SYNE2: variants seen among roughly 807,000 people sequenced by gnomAD.
SYNE2 encodes the protein spectrin repeat containing nuclear envelope protein 2.
A neutral mutation model predicts 856.3 loss-of-function variants in SYNE2; 431 were observed. That is an observed-to-expected ratio of 0.50 (90% confidence interval 0.47 to 0.55). The LOEUF (loss-of-function observed/expected upper bound fraction) is 0.55, where lower values mean the gene tolerates loss of function less well. Ranked by LOEUF, SYNE2 falls within the 20% of genes least tolerant of loss-of-function variation. The probability of loss-of-function intolerance (pLI) is 0.00; values close to 1 mark genes in which losing one functional copy is unlikely to be tolerated. For synonymous variants in SYNE2, 2,923 were observed against 2,872.3 expected, an observed-to-expected ratio of 1.02 and a Z score of -0.56; for missense variants, 8,129 against 8,023.2, an observed-to-expected ratio of 1.01 and a Z score of -0.50.
intron 80 of SYNE2, 133 bp from the exon 81 acceptor site, chr14:64,141,208 G>GT: frequency 2.9e-6 from 2 of 698,392 alleles, no homozygotes; most frequent in Non-Finnish European, 4.7e-6. Context: ...TAGGAAAAAG[G>GT]GGTGTGTGTG....
At chr14:64,010,974 G>T (rs1386824690) in intron 32 of SYNE2, among the ~76,000 whole-genome samples, 1 of 152,148 alleles carries the variant, frequency 6.6e-6, no homozygotes, top group Non-Finnish European at 1.5e-5. Context: ...AAGCTAAAGT[G>T]CTGTCAGGGT....
At chr14:64,099,233 A>G (rs1182483718) in intron 63 of SYNE2, 1 of 232,334 alleles carries the variant, frequency 4.3e-6, no homozygotes, top group African/African-American at 2.3e-5. Flanking sequence ...AGCAAGTAAT[A>G]CTAAGAATTT....
At chr14:64,209,832 T>C in intron 102 of SYNE2, 110 bp from the exon 103 acceptor site, 1 of 1,456,748 alleles carries the variant, frequency 6.9e-7, no homozygotes, top group Non-Finnish European at 9.6e-7. Context: ...TCTGCTGCCA[T>C]TGCAGTTTGG....
chr14:63,807,865 A>ATATATATT (rs1267385896), intron 1 of SYNE2, among the ~76,000 whole-genome samples: 2 of 97,404 alleles, frequency 2.1e-5, no homozygotes, highest in African/African-American at 7.4e-5. Context: ...ATATATATAT[A>ATATATATT]ATTTCAATAG....
chr14:64,016,918 G>C (rs1050025910), intron 33 of SYNE2, among the ~76,000 whole-genome samples: 2 of 151,868 alleles, frequency 1.3e-5, no homozygotes, highest in African/African-American at 2.4e-5. Context: ...TATAATTTTG[G>C]TTGAGTAGTA....
intron 74 of SYNE2, among the ~76,000 whole-genome samples, chr14:64,129,279 C>T (rs922426369): frequency 1.3e-5 from 2 of 152,188 alleles, no homozygotes; most frequent in East Asian, 1.9e-4. Context: ...TGCACTCCAG[C>T]TTGGGTGACA....
Position 64,137,802 on chromosome 14 carries a change from A to T in SYNE2, c.14662A>T (p.Ile4888Phe). ...TTTTTATTAGCAAATAAAAAGAAACATTGGTGGAAAACACGCCCGGCTTTA... is the reference window on the plus strand; with the variant it reads ...TTTTTATTAGCAAATAAAAAGAAACTTTGGTGGAAAACACGCCCGGCTTTA... ...ISFYQQIKRNIGGKHARLYQT... is the reference protein window; with the variant it reads ...ISFYQQIKRNFGGKHARLYQT... Residue 4888 changes from isoleucine (I) to phenylalanine (F), a missense_variant, in exon 79 of 116, where the codon ATT becomes TTT. Coordinates refer to ENST00000555002, the MANE Select transcript of SYNE2 (RefSeq NM_182914.3). The T allele has an allele frequency of 6.2e-7, 1 of 1,614,214 alleles. No individual in the cohort carries two copies. The highest frequency in any genetic ancestry group is 8.5e-7 in the Non-Finnish European group (1 of 1,180,018).
rs181628307 is a variant in SYNE2, at chr14:64,162,456, C to T, written c.16299+180C>T. The T allele has an allele frequency of 6.0e-4, 412 of 687,752 alleles. 1 individual carries two copies. Among genetic ancestry groups the T allele is most frequent in the Non-Finnish European group, 1.9e-4 (72 of 382,790 alleles). 42.6% of individuals were successfully genotyped at this position (687,752 alleles called of 1,614,324 possible). A position where few individuals can be genotyped will look rare whatever the true frequency, so the allele number is the denominator to read the frequency against. ...GGACCAGGTGGTGGCTCAGAGGTGA[C>T]GTCTAGGCAGCAAATAGCTGGATCA... is the stretch of plus-strand genomic sequence containing the variant. On this transcript the variant is annotated intron_variant, in intron 88 of 115. Coordinates refer to ENST00000555002, the MANE Select transcript of SYNE2 (RefSeq NM_182914.3).
chr14:64,186,328 T>TC, intron 96 of SYNE2, 96 bp from the exon 97 acceptor site: 1 of 1,521,564 alleles, frequency 6.6e-7, no homozygotes, highest in Non-Finnish European at 9.1e-7. Flanking sequence ...TGGCCTCCCC[T>TC]CCCCCAGAGT....
chr14:64,044,004 C>G (rs2097168056), intron 45 of SYNE2, among the ~76,000 whole-genome samples: 1 of 152,222 alleles, frequency 6.6e-6, no homozygotes, highest in African/African-American at 2.4e-5. Context: ...ACTACAGACA[C>G]ATGCCACCAC....
Position 64,007,668 on chromosome 14 carries a change from T to C in SYNE2, c.4577+446T>C, listed in dbSNP as rs531863652. On this transcript the variant is annotated intron_variant, in intron 31 of 115. Transcript: ENST00000555002. ...GAAGTGAGAGGATTGCTTGAGCCTA[T>C]GTGTTTGAGACCAGCCTGGCCAACA... 1.4e-4 allele frequency among the ~76,000 whole-genome samples: 22 copies of C among 152,144 alleles called. No individual in the cohort carries two copies. In the East Asian group the frequency reaches 1.9e-3, roughly 13 times the overall value.
At position 64,093,353 on chromosome 14, in the gene SYNE2, T is replaced by C; in HGVS notation, c.11981T>C (p.Val3994Ala). 1 of 1,613,794 alleles carries C rather than the reference T, an allele frequency of 6.2e-7. No homozygotes were observed. The highest frequency in any genetic ancestry group is 8.5e-7 in the Non-Finnish European group (1 of 1,179,732). The change falls in exon 61 of 116, where the codon GTC (valine) becomes GCC (alanine). Residue 3994 changes from valine to alanine, a missense_variant. Transcript: ENST00000555002. ...TQEQNELLKV[V>A]IKQTNEWDEE... The stretch of plus-strand genomic sequence containing the variant: ...TTTGTGGGGGTTATTTTATAGGTAG[T>C]CATAAAACAGACCAATGAATGGGAT...
At chr14:63,997,248 A>G (rs2096720636) in intron 24 of SYNE2, 53 bp from the exon 25 acceptor site, 2 of 1,588,894 alleles carry the variant, frequency 1.3e-6, no homozygotes, top group Admixed American at 3.4e-5. Context: ...ATGCTTGTTT[A>G]GGTTTCATTT....
rs1237697192 is a variant in SYNE2, at chr14:64,201,538, A to C, written c.18039-1263A>C. Among the ~76,000 whole-genome samples the C allele has an allele frequency of 2.0e-5, 3 of 152,170 alleles. No individual in the cohort carries two copies. The East Asian group carries it at 5.8e-4, about 29-fold the overall frequency. On this transcript the variant is annotated intron_variant, in intron 99 of 115. Transcript: ENST00000555002. ...AGAGTGGCCCCTGAATGCTTGAGGT[A>C]CAGAGATCAAGGGGCTGAACCGGTT...
At chr14:64,024,825 T>G in intron 39 of SYNE2, 87 bp from the exon 40 acceptor site, 1 of 1,392,330 alleles carries the variant, frequency 7.2e-7, no homozygotes, top group Non-Finnish European at 1.0e-6. Flanking sequence ...AAAAACCTGG[T>G]TGAGTCACAA....
intron 87 of SYNE2, among the ~76,000 whole-genome samples, chr14:64,160,452 G>A (rs1231026323): frequency 6.6e-6 from 1 of 152,230 alleles, no homozygotes; most frequent in African/African-American, 2.4e-5. Flanking sequence ...TCATGGATTG[G>A]TAAGTAGGTA....
rs1289179603 is a variant in SYNE2, at chr14:63,982,534, AAAAG to A, written c.1837-92_1837-89del. The A allele has an allele frequency of 0.032, 34,389 of 1,064,452 alleles. 262 individuals carry two copies. The highest frequency in any genetic ancestry group is 0.041 in the East Asian group (1,292 of 31,414). 65.9% of individuals were successfully genotyped at this position (1,064,452 alleles called of 1,614,324 possible). The stretch of plus-strand genomic sequence containing the variant: ...GACTCCATCTCAAAAAAAAAAAAAA[AAAAG>A]AAAAGAAAAAAGCCTTGGTGAACAT... On this transcript the variant is annotated intron_variant, in intron 16 of 115. Coordinates refer to ENST00000555002, the MANE Select transcript of SYNE2 (RefSeq NM_182914.3).
chr14:63,996,128 G>A (rs1034271404), intron 23 of SYNE2, among the ~76,000 whole-genome samples: 1 of 152,046 alleles, frequency 6.6e-6, no homozygotes, highest in Non-Finnish European at 1.5e-5. Context: ...CCTCTCAAAG[G>A]TTCATTTTAT....
At chr14:64,136,967 A>G (rs959227007) in intron 78 of SYNE2, among the ~76,000 whole-genome samples, 1 of 152,202 alleles carries the variant, frequency 6.6e-6, no homozygotes, top group Non-Finnish European at 1.5e-5. Flanking sequence ...GCTGCTGCTC[A>G]GTTACAGCCG....
Sources: allele counts gnomAD v4.1 joint callset (sites outside exome capture counted in the v4.1 genomes callset), GRCh38; gene constraint gnomAD v4.1.1; transcripts MANE v1.5; gene names NCBI Gene and HGNC (gene_info 2026-07-23, HGNC 2026-07-21).